The following OPCML variants were observed in gnomAD, a reference collection of about 807,000 sequenced individuals.
The protein encoded by OPCML is opioid-binding protein/cell adhesion molecule.
A neutral mutation model predicts 37.8 loss-of-function variants in OPCML; 13 were observed. That is an observed-to-expected ratio of 0.34 (90% CI 0.22 to 0.55). The LOEUF is 0.55. Ranked by LOEUF, OPCML falls within the 20% of genes least tolerant of loss-of-function variation. The pLI is 0.91. For synonymous variants in OPCML, 176 were observed against 168.8 expected, an observed-to-expected ratio of 1.04 and a Z score of -0.33; for missense variants, 341 against 435.6, an observed-to-expected ratio of 0.78 and a Z score of 1.93.
At chr11:132,677,997 A>T (rs1942785422) in intron 2 of OPCML, among the ~76,000 whole-genome samples, 2 of 152,224 alleles carry the variant, frequency 1.3e-5, no homozygotes, top group Non-Finnish European at 2.9e-5. Flanking sequence ...TGCAACAGAC[A>T]TCTCAGTTAA....
intron 1 of OPCML, among the ~76,000 whole-genome samples, chr11:133,495,912 C>T (rs1947776381): frequency 6.6e-6 from 1 of 152,102 alleles, no homozygotes; most frequent in South Asian, 2.1e-4. Context: ...TAATTAGGTC[C>T]CAGCTATTTA....
At chr11:133,025,309 T>C (rs1947530618) in intron 1 of OPCML, 1 of 984,812 alleles carries the variant, frequency 1.0e-6, no homozygotes, top group Non-Finnish European at 1.2e-6. Context: ...ATTTTTAATG[T>C]TGACATTTCT....
At chr11:133,399,605 C>T (rs976911775) in intron 1 of OPCML, among the ~76,000 whole-genome samples, 8 of 152,250 alleles carry the variant, frequency 5.3e-5, no homozygotes, top group Non-Finnish European at 1.2e-4. Flanking sequence ...CACAAACACA[C>T]ATACCCCCTC....
intron 3 of OPCML, among the ~76,000 whole-genome samples, chr11:132,542,941 C>A (rs551554202): frequency 6.6e-6 from 1 of 152,282 alleles, no homozygotes; most frequent in East Asian, 1.9e-4. Flanking sequence ...AAGTCTGCGA[C>A]AGAATTGAAG....
intron 2 of OPCML, among the ~76,000 whole-genome samples, chr11:132,852,630 GAAGAA>G (rs758826269): frequency 4.6e-5 from 7 of 152,022 alleles, no homozygotes; most frequent in South Asian, 2.1e-4. Flanking sequence ...AAGAGAGAGA[GAAGAA>G]AAGAAAAGGA....
chr11:132,753,758 CAA>C (rs1456455558), intron 2 of OPCML, among the ~76,000 whole-genome samples: 1 of 152,114 alleles, frequency 6.6e-6, no homozygotes, highest in East Asian at 1.9e-4. Flanking sequence ...AAAGAGGACT[CAA>C]ATAATCTATT....
chr11:132,763,848 C>G (rs536169560), intron 2 of OPCML, among the ~76,000 whole-genome samples: 2 of 152,360 alleles, frequency 1.3e-5, no homozygotes, highest in East Asian at 3.9e-4. Context: ...GCCATGCCTT[C>G]CCCGCTTTCA....
intron 7 of OPCML, among the ~76,000 whole-genome samples, chr11:132,422,861 C>T (rs1476077043): frequency 6.6e-6 from 1 of 152,170 alleles, no homozygotes; most frequent in East Asian, 1.9e-4. Flanking sequence ...ACCACAGTAT[C>T]ATGGTGTGAG....
intron 4 of OPCML, among the ~76,000 whole-genome samples, chr11:132,475,375 C>A (rs1276488373): frequency 6.6e-6 from 1 of 152,216 alleles, no homozygotes; most frequent in African/African-American, 2.4e-5. Flanking sequence ...TAACCTCTTG[C>A]TATGGGCTGA....
At chr11:133,033,848 C>A (rs1346182879) in intron 1 of OPCML, among the ~76,000 whole-genome samples, 2 of 152,134 alleles carry the variant, frequency 1.3e-5, no homozygotes, top group Non-Finnish European at 2.9e-5. Context: ...CAACTCACAG[C>A]AATACTGAGG....
intron 2 of OPCML, among the ~76,000 whole-genome samples, chr11:132,782,929 A>ATATATATATATATG: frequency 2.7e-5 from 4 of 146,262 alleles, no homozygotes; most frequent in South Asian, 2.1e-4. Context: ...ATATATATAT[A>ATATATATATATATG]TATATATATA....
At chr11:132,433,145 G>A (rs79543543) in intron 7 of OPCML, among the ~76,000 whole-genome samples, 2,277 of 152,282 alleles carry the variant, frequency 0.015, 45 homozygotes, top group African/African-American at 0.051. Context: ...TTTGGAGGAA[G>A]GAAAAGAAGT....
intron 2 of OPCML, among the ~76,000 whole-genome samples, chr11:132,740,243 G>A (rs1374580039): frequency 6.6e-6 from 1 of 152,134 alleles, no homozygotes; most frequent in African/African-American, 2.4e-5. Context: ...CTATTTATGT[G>A]CTCTTTTAAT....
At chr11:132,832,531 T>C (rs988255225) in intron 2 of OPCML, among the ~76,000 whole-genome samples, 1 of 152,196 alleles carries the variant, frequency 6.6e-6, no homozygotes, top group East Asian at 1.9e-4. Context: ...TCAATAGCAT[T>C]AATCAGATTT....
chr11:133,017,385 C>T (rs1947353492), intron 1 of OPCML, among the ~76,000 whole-genome samples: 1 of 151,918 alleles, frequency 6.6e-6, no homozygotes, highest in African/African-American at 2.4e-5. Flanking sequence ...CGAGACCCCT[C>T]TTTTCCTTTT....
Position 132,608,897 on chromosome 11 carries a change from G to A in OPCML, c.379+48190C>T, listed in dbSNP as rs192087775. ...CTCCACTGTGTACCTCCAGTGTGTC[G>A]TGAGTTCCAATATATCTGAGATATT... is the stretch of plus-strand genomic sequence containing the variant. On this transcript the variant is annotated intron_variant, in intron 3 of 7. Coordinates refer to ENST00000524381, the MANE Select transcript of OPCML (RefSeq NM_001012393.5). Among the ~76,000 whole-genome samples the A allele has an allele frequency of 6.6e-3, 1,005 of 152,226 alleles. 6 individuals are homozygous for A. The highest frequency in any genetic ancestry group is 9.5e-3 in the Non-Finnish European group (648 of 68,020).
chr11:133,013,669 A>G (rs539079565), intron 1 of OPCML, among the ~76,000 whole-genome samples: 98 of 152,328 alleles, frequency 6.4e-4, no homozygotes, highest in South Asian at 5.6e-3. Flanking sequence ...CACACTCAAC[A>G]GTGTATAGTC....
At chr11:132,642,494 C>T (rs1279336399) in intron 3 of OPCML, among the ~76,000 whole-genome samples, 1 of 152,142 alleles carries the variant, frequency 6.6e-6, no homozygotes, top group Non-Finnish European at 1.5e-5. Flanking sequence ...TTGTTATCCA[C>T]AAAATCTAAC....
At chr11:132,524,898 A>C (rs761074759) in intron 4 of OPCML, among the ~76,000 whole-genome samples, 2 of 152,178 alleles carry the variant, frequency 1.3e-5, no homozygotes, top group Non-Finnish European at 2.9e-5. Flanking sequence ...AAACAAATAT[A>C]CCTGAAAAGC....
Sources: allele counts gnomAD v4.1 joint callset (sites outside exome capture counted in the v4.1 genomes callset), GRCh38; gene constraint gnomAD v4.1.1; transcripts MANE v1.5; gene names NCBI Gene and HGNC (gene_info 2026-07-23, HGNC 2026-07-21).